The following ZNF197 variants were observed in gnomAD, a reference collection of about 807,000 sequenced individuals.
ZNF197 encodes the protein VHL-associated KRAB-A domain-containing protein.
In ZNF197, 14 loss-of-function variants were observed where a neutral mutation model predicts 27.4. That is an observed-to-expected ratio of 0.51 (90% CI 0.34 to 0.80). The LOEUF (loss-of-function observed/expected upper bound fraction) is 0.80, where lower values mean the gene tolerates loss of function less well. Ranked by LOEUF, ZNF197 falls within the 30% of genes least tolerant of loss-of-function variation. The pLI is 0.02. For synonymous variants in ZNF197, 415 were observed against 420.0 expected (o/e 0.99, Z 0.15); for missense variants, 1,090 against 1,222.6 (o/e 0.89, Z 1.62).
chr3:44,641,816 AG>A, intron 5 of ZNF197, 83 bp from the exon 6 acceptor site: 6 of 1,437,290 alleles, frequency 4.2e-6, no homozygotes, highest in Non-Finnish European at 5.5e-6. Flanking sequence ...GTGCCTTCCT[AG>A]AATGTTTTAA....
At chr3:44,641,337 T>G (rs1702590904) in intron 5 of ZNF197, among the ~76,000 whole-genome samples, 1 of 152,106 alleles carries the variant, frequency 6.6e-6, no homozygotes. Context: ...TTAAACGGAG[T>G]AGGAGTTATA....
In ZNF197 at chr3:44,644,101, T is replaced by A. The variant is rs778234024; in HGVS notation, c.2971T>A (p.Ser991Thr). 1.9e-6 allele frequency: 3 copies of A among 1,614,132 alleles called. No homozygotes were observed. Among genetic ancestry groups the A allele is most frequent in the South Asian group, 2.2e-5 (2 of 91,076 alleles). Residue 991 changes from serine (S) to threonine (T), a missense_variant, in exon 6 of 6, where the codon TCT (serine) becomes ACT (threonine). Ser to Thr is a moderately conservative substitution (Grantham distance 58). Coordinates refer to ENST00000344387, the MANE Select transcript of ZNF197 (RefSeq NM_006991.5). ...TGAAAAACCTTGTGAATGTGATGTG[T>A]CTGAAAAAGAATTCTCTCAGACTTC... ...TDEKPCECDVSEKEFSQTSNL... is the reference protein window; with the variant it reads ...TDEKPCECDVTEKEFSQTSNL...
intron 5 of ZNF197, among the ~76,000 whole-genome samples, chr3:44,634,628 T>G (rs577204694): frequency 1.1e-4 from 17 of 151,894 alleles, no homozygotes; most frequent in African/African-American, 3.6e-4. Context: ...TTTTGTATTT[T>G]TAGTAGAGAC....
intron 5 of ZNF197, among the ~76,000 whole-genome samples, 197 bp downstream of exon 5, chr3:44,632,796 A>C (rs1702085303): frequency 6.6e-6 from 1 of 151,912 alleles, no homozygotes; most frequent in Non-Finnish European, 1.5e-5. Context: ...TATATGTTTG[A>C]GGGATTTTTT....
chr3:44,645,478 G>A lies in ZNF197; in HGVS notation c.*1258G>A, dbSNP rs933226108. 5.1e-6 allele frequency: 5 copies of A among 985,134 alleles called. No homozygotes were observed. The highest frequency in any genetic ancestry group is 6.2e-5 in the Admixed American group (1 of 16,248). The allele number at this position is 985,134 out of a possible 1,614,324, so 61.0% of individuals were successfully genotyped here. Reference sequence around the variant, plus strand: ...TTACTAGATTATATATCTAGTTTATGTATATGGAAAAAAATGTTATGGCCA... The same window carrying A: ...TTACTAGATTATATATCTAGTTTATATATATGGAAAAAAATGTTATGGCCA... On this transcript the variant is annotated 3_prime_UTR_variant, in exon 6 of 6. Transcript: ENST00000344387.
At chr3:44,634,168 A>G (rs751305826) in intron 5 of ZNF197, among the ~76,000 whole-genome samples, 10 of 152,204 alleles carry the variant, frequency 6.6e-5, no homozygotes, top group Non-Finnish European at 1.5e-4. Flanking sequence ...TAGATGAAGA[A>G]TACCATCTTT....
rs908956043 is a variant in ZNF197, at chr3:44,644,352, T to C, written c.*132T>C. Reference sequence around the variant, plus strand: ...AAATGAGTAGCATATAGAAGAAAGTTAATAGGCCGGGCTTGGTGGCTCATG... The same window carrying C: ...AAATGAGTAGCATATAGAAGAAAGTCAATAGGCCGGGCTTGGTGGCTCATG... On this transcript the variant is annotated 3_prime_UTR_variant, in exon 6 of 6. Coordinates refer to ENST00000344387, the MANE Select transcript of ZNF197 (RefSeq NM_006991.5). The C allele has an allele frequency of 7.1e-7, 1 of 1,416,478 alleles. No individual in the cohort carries two copies. The highest frequency in any genetic ancestry group is 1.5e-5 in the African/African-American group (1 of 68,922). The allele number at this position is 1,416,478 out of a possible 1,614,324, so 87.7% of individuals were successfully genotyped here.
Position 44,643,379 on chromosome 3 carries a change from T to C in ZNF197, c.2249T>C (p.Leu750Pro), listed in dbSNP as rs756162912. 3.1e-6 allele frequency: 5 copies of C among 1,614,106 alleles called. No homozygotes were observed. The highest frequency in any genetic ancestry group is 1.3e-5 in the African/African-American group (1 of 74,932). Residue 750 changes from leucine (L) to proline (P), a missense_variant, in exon 6 of 6, where the codon CTT becomes CCT. Coordinates refer to ENST00000344387, the MANE Select transcript of ZNF197 (RefSeq NM_006991.5). ...GKAFSYNSSL[L>P]VHRRIHTGEK... ...GCTTTCAGTTACAATTCAAGCCTGC[T>C]TGTACATCGGAGAATCCACACCGGA...
chr3:44,643,407 A>G lies in ZNF197; in HGVS notation c.2277A>G (p.Glu759=). Residue 759 remains glutamate (E), a synonymous_variant, in exon 6 of 6, where the codon GAA becomes GAG. Coordinates refer to ENST00000344387, the MANE Select transcript of ZNF197 (RefSeq NM_006991.5). ...TACATCGGAGAATCCACACCGGAGAAAAACCCTTTGAATGCAGTGAGTGTG... is the reference window on the plus strand; with the variant it reads ...TACATCGGAGAATCCACACCGGAGAGAAACCCTTTGAATGCAGTGAGTGTG... ...LLVHRRIHTG[E]KPFECSECGR... The G allele has an allele frequency of 1.2e-6, 2 of 1,614,202 alleles. No individual in the cohort carries two copies. Among genetic ancestry groups the G allele is most frequent in the Non-Finnish European group, 1.7e-6 (2 of 1,180,042 alleles).
At chr3:44,632,393 C>T in intron 4 of ZNF197, 80 bp from the exon 5 acceptor site, 9 of 1,539,018 alleles carry the variant, frequency 5.8e-6, no homozygotes, top group Non-Finnish European at 7.0e-6. Context: ...CACAGTGTAT[C>T]CCTTCCCCAG....
chr3:44,631,976 C>T lies in ZNF197; in HGVS notation c.551-129C>T, dbSNP rs1575467129. The T allele has an allele frequency of 4.2e-5, 35 of 824,384 alleles. No individual in the cohort carries two copies. In the East Asian group the frequency reaches 8.2e-4, roughly 19 times the overall value. The allele number at this position is 824,384 out of a possible 1,614,324, so 51.1% of individuals were successfully genotyped here. ...TCGGCTTCCCAAAGCTCTGGGATTA[C>T]AGGTGTGAGCCACCACGCCCTGCCT... On this transcript the variant is annotated intron_variant, in intron 3 of 5. Transcript: ENST00000344387.
chr3:44,642,809 A>G lies in ZNF197; in HGVS notation c.1679A>G (p.His560Arg). The change falls in exon 6 of 6, where the codon CAC (histidine) becomes CGC (arginine). Residue 560 changes from histidine (H) to arginine (R), a missense_variant. Physicochemically the swap from His to Arg is conservative, Grantham distance 29. Transcript: ENST00000344387. ...TATCTTATTGACCATCAGCGACTCCACAGTGCAGAGAACCCTTACAAGTGT... is the reference window on the plus strand; with the variant it reads ...TATCTTATTGACCATCAGCGACTCCGCAGTGCAGAGAACCCTTACAAGTGT... ...TTYLIDHQRL[H>R]SAENPYKCKE... 1.2e-6 allele frequency: 2 copies of G among 1,613,826 alleles called. No individual in the cohort carries two copies. The highest frequency in any genetic ancestry group is 1.7e-6 in the Non-Finnish European group (2 of 1,179,980).
Position 44,644,239 on chromosome 3 carries a change from A to G in ZNF197, c.*19A>G. 5 of 1,556,820 alleles carry G rather than the reference A, an allele frequency of 3.2e-6. No individual in the cohort carries two copies. Among genetic ancestry groups the G allele is most frequent in the South Asian group, 1.2e-5 (1 of 80,792 alleles). ...AATCTAGTGTCATATGTAAAATGGA[A>G]TAGAATCCCTGCCTACTTAAGTAAC... is the stretch of plus-strand genomic sequence containing the variant. On this transcript the variant is annotated 3_prime_UTR_variant, in exon 6 of 6. Coordinates refer to ENST00000344387, the MANE Select transcript of ZNF197 (RefSeq NM_006991.5).
At position 44,629,536 on chromosome 3, in the gene ZNF197, G is replaced by C. The variant is rs1701865262; in HGVS notation, c.382G>C (p.Ala128Pro). 3 of 1,557,132 alleles carry C rather than the reference G, an allele frequency of 1.9e-6. No individual in the cohort carries two copies. In the East Asian group the frequency reaches 6.8e-5, roughly 35 times the overall value. ...GCTGCAGAAAGACCTTGATGGACCA[G>C]CAATACAAGTGAGAAAGACAGGGAG... ...EELQKDLDGP[A>P]IQVPVLVKDQ... The change falls in exon 2 of 6, where the codon GCA becomes CCA. Residue 128 changes from alanine (A) to proline (P), a missense_variant. Physicochemically the swap from Ala to Pro is conservative, Grantham distance 27 (BLOSUM62 -1). Coordinates refer to ENST00000344387, the MANE Select transcript of ZNF197 (RefSeq NM_006991.5).
rs374520793 is a variant in ZNF197 at position 44,642,211 on chromosome 3, T to A, written c.1081T>A (p.Leu361Ile). ...TTTCGGTTCAGCTATTTCTGAAAGT[T>A]TAATAGGTACTGAAGGAAAGAAGTT... Reference protein sequence around the residue: ...LTFGSAISESLIGTEGKKFYK... With the variant: ...LTFGSAISESIIGTEGKKFYK... Residue 361 changes from leucine (L) to isoleucine (I), a missense_variant, in exon 6 of 6, where the codon TTA becomes ATA. Transcript: ENST00000344387. 10 of 1,614,046 alleles carry A rather than the reference T, an allele frequency of 6.2e-6. No homozygotes were observed. The African/African-American group carries it at 1.3e-4, about 22-fold the overall frequency.
At position 44,629,321 on chromosome 3, in the gene ZNF197, C is replaced by T; in HGVS notation, c.167C>T (p.Pro56Leu). Residue 56 changes from proline (P) to leucine (L), a missense_variant, in exon 2 of 6, where the codon CCC (proline) becomes CTC (leucine). Pro to Leu is a moderately conservative substitution (Grantham distance 98). Transcript: ENST00000344387. Reference protein sequence around the residue: ...RQLRYHETSGPQEALSRLREL... With the variant: ...RQLRYHETSGLQEALSRLREL... ...TTACGTTACCATGAGACATCTGGACCCCAGGAAGCCCTGAGCCGGCTCAGG... is the reference window on the plus strand; with the variant it reads ...TTACGTTACCATGAGACATCTGGACTCCAGGAAGCCCTGAGCCGGCTCAGG... 1.2e-6 allele frequency: 2 copies of T among 1,614,124 alleles called. No homozygotes were observed. Among genetic ancestry groups the T allele is most frequent in the Non-Finnish European group, 1.7e-6 (2 of 1,180,034 alleles).
rs769657883 is a variant in ZNF197 at position 44,632,542 on chromosome 3, C to T, written c.712C>T (p.Gln238Ter). 5 of 1,610,700 alleles carry T rather than the reference C, an allele frequency of 3.1e-6. No homozygotes were observed. The highest frequency in any genetic ancestry group is 4.2e-6 in the Non-Finnish European group (5 of 1,178,566). Residue 238 changes from glutamine (Q) to a stop codon, truncating the protein, a stop_gained, in exon 5 of 6, where the codon CAG (glutamine) becomes TAG (stop). Coordinates refer to ENST00000344387, the MANE Select transcript of ZNF197 (RefSeq NM_006991.5). LOFTEE classifies it high-confidence loss of function. ...SEEWACLGPI[Q>*]RALYWDVMLE... ...GGAATGGGCATGTCTGGGCCCAATC[C>T]AGAGGGCCTTGTACTGGGATGTGAT...
In ZNF197 at chr3:44,643,628, T is replaced by G. The variant is rs1010975906; in HGVS notation, c.2498T>G (p.Leu833Arg). Residue 833 changes from leucine to arginine, a missense_variant, in exon 6 of 6, where the codon CTT becomes CGT. Physicochemically the swap from Leu to Arg is moderately radical, Grantham distance 102. Transcript: ENST00000344387. ...AAGGTCTTCAGTTACCGCTCAAACC[T>G]TATAGCCCATCAGAGGATCCATACT... is the stretch of plus-strand genomic sequence containing the variant. ...CGKVFSYRSN[L>R]IAHQRIHTGE... 1.2e-5 allele frequency: 20 copies of G among 1,614,038 alleles called. No homozygotes were observed. The highest frequency in any genetic ancestry group is 1.7e-5 in the Non-Finnish European group (20 of 1,180,030).
chr3:44,639,533 A>AT lies in ZNF197; in HGVS notation c.770-2359dup, dbSNP rs1265166720. ...TGTTGTAGATCTACTCAGATTTTCC[A>AT]TTTTTTTTCTTGAGTCAGTTTTAGT... On this transcript the variant is annotated intron_variant, in intron 5 of 5. Transcript: ENST00000344387. Among the ~76,000 whole-genome samples, 4 of 146,656 alleles carry AT rather than the reference A, an allele frequency of 2.7e-5. No homozygotes were observed. The East Asian group carries it at 6.1e-4, about 22-fold the overall frequency.
Sources: gnomAD v4.1 joint callset for allele counts (sites outside exome capture counted in the v4.1 genomes callset) on GRCh38, gnomAD v4.1.1 for gene constraint, MANE v1.5 for transcripts, NCBI Gene and HGNC (gene_info 2026-07-23, HGNC 2026-07-21) for gene names.